The following KCNJ6 variants were observed in gnomAD, a reference collection of about 807,000 sequenced individuals.
KCNJ6 encodes potassium inwardly rectifying channel subfamily J member 6, also known as G protein-activated inward rectifier potassium channel 2.
A neutral mutation model predicts 34.2 loss-of-function variants in KCNJ6; 9 were observed. The observed-to-expected ratio is 0.26, with a 90% confidence interval of 0.16 to 0.46. The LOEUF (loss-of-function observed/expected upper bound fraction) is 0.46, where lower values mean the gene tolerates loss of function less well. Ranked by LOEUF, KCNJ6 falls within the 20% of genes least tolerant of loss-of-function variation. The probability of loss-of-function intolerance (pLI) is 1.00; values close to 1 mark genes in which losing one functional copy is unlikely to be tolerated. For synonymous variants in KCNJ6, 196 were observed against 207.1 expected (o/e 0.95, Z 0.46); for missense variants, 236 against 531.3 (o/e 0.44, Z 5.46).
chr21:37,853,846 G>GTATATATATATATATATATATACA (rs144698876), intron 1 of KCNJ6, among the ~76,000 whole-genome samples: 3 of 115,988 alleles, frequency 2.6e-5, no homozygotes, highest in Admixed American at 1.7e-4. Context: ...ATATATATAT[G>GTATATATATATATATATATATACA]TATATATATA....
intron 1 of KCNJ6, among the ~76,000 whole-genome samples, chr21:37,846,079 C>T (rs142637234): frequency 6.2e-4 from 94 of 152,226 alleles, no homozygotes; most frequent in Admixed American, 1.4e-3. Flanking sequence ...TCGGGTAGAG[C>T]ATTGACTTTC....
At chr21:37,759,934 T>G (rs1383572951) in intron 2 of KCNJ6, among the ~76,000 whole-genome samples, 1 of 152,084 alleles carries the variant, frequency 6.6e-6, no homozygotes, top group Non-Finnish European at 1.5e-5. Context: ...TTTGGACTGC[T>G]CTCCCCAGGG....
intron 2 of KCNJ6, among the ~76,000 whole-genome samples, chr21:37,756,473 C>T (rs2055025563): frequency 1.3e-5 from 2 of 152,172 alleles, no homozygotes. Flanking sequence ...GGGTCCAACC[C>T]TTAGGCAGCA....
At chr21:37,660,527 T>C (rs1028522094) in intron 3 of KCNJ6, among the ~76,000 whole-genome samples, 2 of 152,168 alleles carry the variant, frequency 1.3e-5, no homozygotes, top group African/African-American at 4.8e-5. Context: ...ACCTTGCCCC[T>C]TCCATTCCCT....
At chr21:37,710,603 A>T (rs746243809) in intron 3 of KCNJ6, among the ~76,000 whole-genome samples, 2 of 152,206 alleles carry the variant, frequency 1.3e-5, no homozygotes, top group African/African-American at 2.4e-5. Flanking sequence ...CGCTGGGGGT[A>T]AATGTGGAAG....
chr21:37,893,153 C>T (rs1365782186), intron 1 of KCNJ6, among the ~76,000 whole-genome samples: 5 of 151,186 alleles, frequency 3.3e-5, no homozygotes, highest in African/African-American at 1.2e-4. Context: ...CGCACCCGGC[C>T]GGTTTCTTTC....
chr21:37,812,615 C>T (rs375610823), intron 2 of KCNJ6, among the ~76,000 whole-genome samples: 204 of 152,224 alleles, frequency 1.3e-3, no homozygotes, highest in Admixed American at 2.5e-3. Flanking sequence ...GTTCAACATA[C>T]GCAAATCAAT....
intron 1 of KCNJ6, among the ~76,000 whole-genome samples, chr21:37,880,235 C>T (rs2055700918): frequency 6.6e-6 from 1 of 152,188 alleles, no homozygotes; most frequent in Admixed American, 6.5e-5. Flanking sequence ...CGAGATTGCA[C>T]CTGGGTGACA....
At chr21:37,761,207 TTG>T (rs369282745) in intron 2 of KCNJ6, among the ~76,000 whole-genome samples, 102 of 150,252 alleles carry the variant, frequency 6.8e-4, no homozygotes, top group Non-Finnish European at 1.2e-3. Flanking sequence ...TGTGTATGTA[TTG>T]TGTGTGTGTG....
intron 2 of KCNJ6, among the ~76,000 whole-genome samples, chr21:37,735,618 C>A (rs116201126): frequency 0.074 from 11,274 of 152,298 alleles, 449 homozygotes; most frequent in African/African-American, 0.094. Flanking sequence ...TGCAAGCCCC[C>A]TGACCTTCCC....
rs142766652 is a variant in KCNJ6, at chr21:37,767,871, A to G, written c.26-52740T>C. On this transcript the variant is annotated intron_variant, in intron 2 of 3. Transcript: ENST00000609713. ...ATGTTTCCACTAAAAAAGTGTATTGATTAGATTTTAGCTTTAACTGTTGTT... is the reference window on the plus strand; with the variant it reads ...ATGTTTCCACTAAAAAAGTGTATTGGTTAGATTTTAGCTTTAACTGTTGTT... 7.1e-3 allele frequency among the ~76,000 whole-genome samples: 1,081 copies of G among 152,294 alleles called. 11 individuals carry two copies. The highest frequency in any genetic ancestry group is 0.025 in the African/African-American group (1,045 of 41,564).
chr21:37,761,773 AGTGT>A (rs1192446773), intron 2 of KCNJ6, among the ~76,000 whole-genome samples: 1 of 149,346 alleles, frequency 6.7e-6, no homozygotes, highest in African/African-American at 2.5e-5. Context: ...GTGTGTATGT[AGTGT>A]GTGTGTGGTA....
At chr21:37,728,628 T>C (rs138207646) in intron 2 of KCNJ6, among the ~76,000 whole-genome samples, 3 of 152,282 alleles carry the variant, frequency 2.0e-5, no homozygotes, top group African/African-American at 4.8e-5. Flanking sequence ...TATTGATTCC[T>C]GCGATCTTGG....
intron 3 of KCNJ6, among the ~76,000 whole-genome samples, chr21:37,656,975 C>T (rs573480427): frequency 2.0e-5 from 3 of 152,292 alleles, no homozygotes; most frequent in East Asian, 3.9e-4. Context: ...TCAGTGATGG[C>T]GCTGTCCTGT....
intron 1 of KCNJ6, among the ~76,000 whole-genome samples, chr21:37,892,810 G>A (rs1380957365): frequency 6.6e-6 from 1 of 151,542 alleles, no homozygotes; most frequent in African/African-American, 2.4e-5. Context: ...AGAGTGAGAA[G>A]TCCCAGTTTT....
intron 3 of KCNJ6, among the ~76,000 whole-genome samples, chr21:37,678,217 C>T (rs925604048): frequency 3.3e-5 from 5 of 152,098 alleles, no homozygotes; most frequent in Non-Finnish European, 7.4e-5. Context: ...CTAGAAGCGA[C>T]AGCTAGTGAG....
chr21:37,810,090 TGA>T (rs970324453), intron 2 of KCNJ6, among the ~76,000 whole-genome samples: 28 of 152,212 alleles, frequency 1.8e-4, no homozygotes, highest in African/African-American at 6.3e-4. Context: ...AACATTTTAG[TGA>T]GAGTCATTCC....
intron 1 of KCNJ6, among the ~76,000 whole-genome samples, chr21:37,845,925 A>C (rs190340496): frequency 1.3e-5 from 2 of 152,260 alleles, no homozygotes; most frequent in Admixed American, 1.3e-4. Context: ...CTCCACTTAA[A>C]GTCGTATTGT....
intron 1 of KCNJ6, among the ~76,000 whole-genome samples, chr21:37,879,344 C>A (rs1400585308): frequency 6.6e-6 from 1 of 152,094 alleles, no homozygotes; most frequent in Non-Finnish European, 1.5e-5. Context: ...ATTTACTGGA[C>A]CCCCTGCAGC....
Sources: allele counts gnomAD v4.1 joint callset (sites outside exome capture counted in the v4.1 genomes callset), GRCh38; gene constraint gnomAD v4.1.1; transcripts MANE v1.5; gene names NCBI Gene and HGNC (gene_info 2026-07-23, HGNC 2026-07-21).